The following CDH10 variants were observed in gnomAD, a reference collection of about 807,000 sequenced individuals.
CDH10 encodes the protein cadherin-10.
CDH10 carries 30 observed loss-of-function variants against 73.1 expected under a neutral mutation model. The observed-to-expected ratio is 0.41, with a 90% CI of 0.31 to 0.56. CDH10 has a LOEUF of 0.56. CDH10 is among the 20% of genes least tolerant of loss of function. The pLI is 0.27. For synonymous variants in CDH10, 345 were observed against 348.2 expected (o/e 0.99, Z 0.10); for missense variants, 815 against 973.7 (o/e 0.84, Z 2.17).
chr5:24,624,008 G>A (rs901975572), intron 1 of CDH10, among the ~76,000 whole-genome samples: 2 of 151,988 alleles, frequency 1.3e-5, no homozygotes, highest in African/African-American at 4.8e-5. Context: ...ATAACAGCAG[G>A]TTGAAGGAAA....
chr5:24,565,202 C>T lies in CDH10; in HGVS notation c.232-27528G>A, dbSNP rs78735604. Among the ~76,000 whole-genome samples the T allele has an allele frequency of 3.3e-5, 5 of 152,054 alleles. No homozygotes were observed. In the South Asian group the frequency reaches 6.2e-4, roughly 19 times the overall value. On this transcript the variant is annotated intron_variant, in intron 2 of 11. Coordinates refer to ENST00000264463, the MANE Select transcript of CDH10 (RefSeq NM_006727.5). ...AAGAAAAAGGGAGGAGGAAAGAAAGCGATGCAAAATTGTCTTTATTCAGAC... is the reference window on the plus strand; with the variant it reads ...AAGAAAAAGGGAGGAGGAAAGAAAGTGATGCAAAATTGTCTTTATTCAGAC...
At chr5:24,503,394 C>T (rs1416364536) in intron 8 of CDH10, among the ~76,000 whole-genome samples, 1 of 152,200 alleles carries the variant, frequency 6.6e-6, no homozygotes, top group Non-Finnish European at 1.5e-5. Context: ...TTTGCATGTA[C>T]ATGTGCTGGC....
At chr5:24,619,539 T>G (rs1337413502) in intron 1 of CDH10, among the ~76,000 whole-genome samples, 1 of 152,136 alleles carries the variant, frequency 6.6e-6, no homozygotes, top group Non-Finnish European at 1.5e-5. Context: ...GATTTTAAAG[T>G]TGATGCTGGA....
At chr5:24,556,644 T>C (rs966213599) in intron 2 of CDH10, among the ~76,000 whole-genome samples, 18 of 151,758 alleles carry the variant, frequency 1.2e-4, no homozygotes, top group African/African-American at 4.1e-4. Context: ...ATTAAACATC[T>C]TTTTTGGTTA....
rs140885556 is a variant in CDH10 at position 24,634,376 on chromosome 5, T to C, written c.-124+10218A>G. Among the ~76,000 whole-genome samples, 827 of 151,932 alleles carry C rather than the reference T, an allele frequency of 5.4e-3. 7 individuals carry two copies. Among genetic ancestry groups the C allele is most frequent in the African/African-American group, 0.019 (794 of 41,540 alleles). On this transcript the variant is annotated intron_variant, in intron 1 of 11. Transcript: ENST00000264463. The stretch of plus-strand genomic sequence containing the variant: ...AGTTTTTAGCCTTTGTAAAGTCCAA[T>C]TCTAAAAGTATATATACATTTAGAT...
intron 1 of CDH10, among the ~76,000 whole-genome samples, chr5:24,606,337 G>A (rs1385127131): frequency 1.3e-5 from 2 of 152,088 alleles, no homozygotes; most frequent in African/African-American, 2.4e-5. Flanking sequence ...CAGGCCTGGC[G>A]CAGTGGCTCA....
rs753229477 is a variant in CDH10, at chr5:24,582,151, G to A, written c.231+11109C>T. ...TCAGGATACATGCACAGAAATGATC[G>A]TAGGAGCATTATTGGTAACAGTGAA... On this transcript the variant is annotated intron_variant, in intron 2 of 11. Coordinates refer to ENST00000264463, the MANE Select transcript of CDH10 (RefSeq NM_006727.5). Among the ~76,000 whole-genome samples, 84 of 152,158 alleles carry A rather than the reference G, an allele frequency of 5.5e-4. 1 individual carries two copies. Among genetic ancestry groups the A allele is most frequent in the Admixed American group, 2.6e-3 (39 of 15,272 alleles).
chr5:24,592,849 A>T lies in CDH10; in HGVS notation c.231+411T>A, dbSNP rs560966392. ...CATTTGCTTTCTCGTTCTGTAGAAG[A>T]TTAAACAACTTTGAAATGTTTTTGC... is the stretch of plus-strand genomic sequence containing the variant. On this transcript the variant is annotated intron_variant, in intron 2 of 11. Transcript: ENST00000264463. Among the ~76,000 whole-genome samples the T allele has an allele frequency of 6.7e-4, 101 of 151,864 alleles. 2 individuals carry two copies. The highest frequency in any genetic ancestry group is 2.2e-3 in the African/African-American group (92 of 41,494).
chr5:24,570,489 T>C (rs982565605), intron 2 of CDH10, among the ~76,000 whole-genome samples: 3 of 151,964 alleles, frequency 2.0e-5, no homozygotes, highest in Non-Finnish European at 4.4e-5. Context: ...CCCCAGAAGG[T>C]GGGTGGAGGC....
chr5:24,591,744 T>TTCATATC (rs1253178274), intron 2 of CDH10, among the ~76,000 whole-genome samples: 3 of 151,876 alleles, frequency 2.0e-5, no homozygotes, highest in Non-Finnish European at 4.4e-5. Context: ...TGAAGTACAG[T>TTCATATC]TCTTGATTTC....
At chr5:24,593,916 T>C (rs1746285787) in intron 1 of CDH10, among the ~76,000 whole-genome samples, 1 of 151,914 alleles carries the variant, frequency 6.6e-6, no homozygotes. Context: ...ACACAGGAGA[T>C]ATAGTTCATT....
rs116335547 is a variant in CDH10 at position 24,550,452 on chromosome 5, G to A, written c.232-12778C>T. Among the ~76,000 whole-genome samples, 699 of 151,966 alleles carry A rather than the reference G, an allele frequency of 4.6e-3. 6 individuals are homozygous for A. Among genetic ancestry groups the A allele is most frequent in the African/African-American group, 0.016 (677 of 41,458 alleles). On this transcript the variant is annotated intron_variant, in intron 2 of 11. Transcript: ENST00000264463. ...TACATAGAATAAGAAAACAAAACAA[G>A]GAAATACTAGGATTCCATAAATGTC...
intron 8 of CDH10, among the ~76,000 whole-genome samples, chr5:24,502,028 C>T (rs1240505728): frequency 6.8e-6 from 1 of 146,708 alleles, no homozygotes; most frequent in African/African-American, 2.5e-5. Context: ...ACGCCATTCT[C>T]CTACCTCAGC....
At chr5:24,586,089 T>C (rs1425744600) in intron 2 of CDH10, among the ~76,000 whole-genome samples, 3 of 152,222 alleles carry the variant, frequency 2.0e-5, no homozygotes, top group Non-Finnish European at 4.4e-5. Flanking sequence ...CAGCCAAATT[T>C]AAATTCCTTT....
intron 2 of CDH10, among the ~76,000 whole-genome samples, chr5:24,558,378 T>C (rs1414241212): frequency 6.6e-6 from 1 of 151,768 alleles, no homozygotes; most frequent in Admixed American, 6.6e-5. Flanking sequence ...CCCCAGACTA[T>C]AATTTGGGTT....
At chr5:24,518,276 T>G (rs1743182794) in intron 5 of CDH10, among the ~76,000 whole-genome samples, 1 of 152,164 alleles carries the variant, frequency 6.6e-6, no homozygotes, top group African/African-American at 2.4e-5. Flanking sequence ...TTGTAAACAT[T>G]TAGCTCATAA....
chr5:24,516,960 T>A (rs973736770), intron 5 of CDH10, among the ~76,000 whole-genome samples: 1 of 152,182 alleles, frequency 6.6e-6, no homozygotes, highest in East Asian at 1.9e-4. Context: ...TGAAAGTATT[T>A]GTATTTGAAA....
At position 24,505,261 on chromosome 5, in the gene CDH10, G is replaced by A. The variant is rs2111728131; in HGVS notation, c.1257-13C>T. On this transcript the variant is annotated splice_polypyrimidine_tract_variant and intron_variant, in intron 7 of 11. Transcript: ENST00000264463. ...ATCCAAGGAAAATCTGAACATGGAG[G>A]GCAAGAAAAAATACATGGCAGCATT... 3 of 1,609,122 alleles carry A rather than the reference G, an allele frequency of 1.9e-6. No individual in the cohort carries two copies. Among genetic ancestry groups the A allele is most frequent in the Non-Finnish European group, 1.7e-6 (2 of 1,176,838 alleles).
intron 11 of CDH10, among the ~76,000 whole-genome samples, chr5:24,491,072 C>T (rs1361160019): frequency 6.6e-6 from 1 of 152,118 alleles, no homozygotes; most frequent in Non-Finnish European, 1.5e-5. Flanking sequence ...GTTACTACAC[C>T]ACTCAAGAGG....
Sources: allele counts gnomAD v4.1 joint callset (sites outside exome capture counted in the v4.1 genomes callset), GRCh38; gene constraint gnomAD v4.1.1; transcripts MANE v1.5; gene names NCBI Gene and HGNC (gene_info 2026-07-23, HGNC 2026-07-21).